PSD3: variants seen among roughly 807,000 people sequenced by gnomAD.
PSD3 encodes pleckstrin and Sec7 domain containing 3, also known as PH and SEC7 domain-containing protein 3.
In PSD3, 49 loss-of-function variants were observed where a neutral mutation model predicts 105.5. The ratio of observed to expected loss-of-function variants is 0.46; its 90% CI spans 0.37 to 0.59. PSD3 has a LOEUF of 0.59. Among genes scored for constraint, PSD3 ranks in the 20% least tolerant of loss-of-function variants. The pLI is 0.00. For missense variants in PSD3, 1,561 were observed against 1,263.8 expected, an observed-to-expected ratio of 1.24 and a Z score of -3.57; for synonymous variants, 557 against 457.8, an observed-to-expected ratio of 1.22 and a Z score of -2.77.
chr8:18,815,081 T>C (rs924053775), intron 4 of PSD3, among the ~76,000 whole-genome samples: 13 of 152,150 alleles, frequency 8.5e-5, no homozygotes, highest in African/African-American at 4.8e-5. Context: ...AATATGAATT[T>C]AGTTTGATCA....
chr8:18,691,332 G>A (rs1165703250), intron 9 of PSD3, among the ~76,000 whole-genome samples: 3 of 152,168 alleles, frequency 2.0e-5, no homozygotes, highest in Non-Finnish European at 2.9e-5. Context: ...TTAGAAGTAC[G>A]GACAATGCAG....
intron 11 of PSD3, among the ~76,000 whole-genome samples, chr8:18,624,304 A>C (rs1180169299): frequency 6.6e-6 from 1 of 152,076 alleles, no homozygotes; most frequent in Non-Finnish European, 1.5e-5. Flanking sequence ...TAACATGTGA[A>C]ATGACATTTC....
chr8:18,640,170 AC>A (rs1324060783), intron 10 of PSD3, among the ~76,000 whole-genome samples: 1 of 152,114 alleles, frequency 6.6e-6, no homozygotes, highest in Non-Finnish European at 1.5e-5. Flanking sequence ...CCAATACAAA[AC>A]CACAACAAAA....
chr8:18,942,025 C>G (rs568198291), intron 1 of PSD3, among the ~76,000 whole-genome samples: 2 of 151,788 alleles, frequency 1.3e-5, no homozygotes, highest in Non-Finnish European at 2.9e-5. Context: ...ATCAAAAAGA[C>G]GAAGCAGAAA....
intron 4 of PSD3, among the ~76,000 whole-genome samples, chr8:18,817,245 T>C (rs895932777): frequency 5.9e-5 from 9 of 152,234 alleles, no homozygotes; most frequent in African/African-American, 2.2e-4. Context: ...AAAAGGTTAT[T>C]AGTATCATAT....
intron 9 of PSD3, among the ~76,000 whole-genome samples, chr8:18,762,694 A>G (rs1806641483): frequency 6.6e-6 from 1 of 152,226 alleles, no homozygotes. Context: ...TTTTAAACTA[A>G]AAAAAGGGCT....
chr8:18,977,790 A>T (rs957037758), intron 1 of PSD3, among the ~76,000 whole-genome samples: 5 of 152,174 alleles, frequency 3.3e-5, no homozygotes, highest in African/African-American at 1.2e-4. Context: ...TAAATTATTT[A>T]TATTTTCTTC....
intron 8 of PSD3, among the ~76,000 whole-genome samples, chr8:18,784,365 C>T (rs1184321510): frequency 6.6e-6 from 1 of 152,184 alleles, no homozygotes; most frequent in Non-Finnish European, 1.5e-5. Flanking sequence ...ATACACCACT[C>T]AACACAATAG....
At chr8:18,949,631 T>C (rs1823115806) in intron 1 of PSD3, among the ~76,000 whole-genome samples, 1 of 152,100 alleles carries the variant, frequency 6.6e-6, no homozygotes, top group African/African-American at 2.4e-5. Context: ...TTTGGTTCTG[T>C]GTATAGGACA....
intron 9 of PSD3, among the ~76,000 whole-genome samples, chr8:18,668,888 T>A (rs1239592596): frequency 6.6e-6 from 1 of 152,248 alleles, no homozygotes; most frequent in Non-Finnish European, 1.5e-5. Context: ...AGTATTACAT[T>A]TCTTAGCTTT....
intron 8 of PSD3, among the ~76,000 whole-genome samples, chr8:18,789,353 G>C (rs1809484645): frequency 6.6e-6 from 1 of 151,946 alleles, no homozygotes. Context: ...CTTTTACTAA[G>C]CCAAATATAA....
chr8:18,809,523 C>G (rs573360149), intron 4 of PSD3, among the ~76,000 whole-genome samples: 2 of 152,248 alleles, frequency 1.3e-5, no homozygotes, highest in Admixed American at 6.5e-5. Flanking sequence ...AATTTCACAT[C>G]AAAAAACAGT....
At chr8:18,631,021 A>G (rs566708780) in intron 11 of PSD3, among the ~76,000 whole-genome samples, 1 of 152,066 alleles carries the variant, frequency 6.6e-6, no homozygotes, top group East Asian at 1.9e-4. Flanking sequence ...ATATTAAGGG[A>G]CAACGGTATT....
At chr8:18,892,427 G>A (rs1031684326) in intron 2 of PSD3, among the ~76,000 whole-genome samples, 7 of 151,734 alleles carry the variant, frequency 4.6e-5, no homozygotes, top group African/African-American at 9.7e-5. Context: ...GTTTCACCAT[G>A]TTAGCCAGGA....
intron 9 of PSD3, among the ~76,000 whole-genome samples, chr8:18,755,970 T>C (rs182574904): frequency 1.3e-5 from 2 of 152,272 alleles, no homozygotes; most frequent in East Asian, 3.9e-4. Context: ...GCCACGCACC[T>C]TTCATCACCT....
chr8:18,649,012 G>A (rs537149801), intron 10 of PSD3, among the ~76,000 whole-genome samples: 111 of 152,358 alleles, frequency 7.3e-4, no homozygotes, highest in African/African-American at 2.5e-3. Context: ...AGACATCTGC[G>A]GCAGGGGTGG....
At chr8:18,882,529 C>T (rs576853810) in intron 2 of PSD3, among the ~76,000 whole-genome samples, 4 of 152,094 alleles carry the variant, frequency 2.6e-5, no homozygotes, top group South Asian at 4.1e-4. Flanking sequence ...ACTGTCTGCT[C>T]GCAAACAAAG....
chr8:19,059,302 C>A (rs902305426), intron 1 of PSD3, among the ~76,000 whole-genome samples: 1 of 152,220 alleles, frequency 6.6e-6, no homozygotes, highest in Admixed American at 6.5e-5. Context: ...TCCTTAGACC[C>A]CCTTTACCTG....
In PSD3 at chr8:18,872,720, T is replaced by A. The variant is rs1441901235; in HGVS notation, c.144A>T (p.Gly48=). 4 of 1,558,828 alleles carry A rather than the reference T, an allele frequency of 2.6e-6. No homozygotes were observed. In the African/African-American group the frequency reaches 5.5e-5, roughly 21 times the overall value. The change falls in exon 3 of 16, where the codon GGA becomes GGT. Residue 48 remains glycine (G), a synonymous_variant. Transcript: ENST00000327040. The stretch of plus-strand genomic sequence containing the variant: ...TGACATTTGGTGGGAGTAAAGTGCT[T>A]CCTCCATGATCACCTGTGAAGAGAA... ...GKAPDTSDHG[G]STLLPPNVTN...
Sources: allele counts gnomAD v4.1 joint callset (sites outside exome capture counted in the v4.1 genomes callset), GRCh38; gene constraint gnomAD v4.1.1; transcripts MANE v1.5; gene names NCBI Gene and HGNC (gene_info 2026-07-23, HGNC 2026-07-21).